The following ARHGAP44 variants were observed in gnomAD, a reference collection of about 807,000 sequenced individuals.
ARHGAP44 encodes Rho GTPase activating protein 44, also known as rho GTPase-activating protein 44.
A neutral mutation model predicts 106.8 loss-of-function variants in ARHGAP44; 43 were observed. That is an observed-to-expected ratio of 0.40 (90% CI 0.32 to 0.52). The LOEUF is 0.52. Among genes scored for constraint, ARHGAP44 ranks in the 20% least tolerant of loss-of-function variants. ARHGAP44 has a pLI of 0.48. For synonymous variants in ARHGAP44, 439 were observed against 410.3 expected (o/e 1.07, Z -0.85); for missense variants, 866 against 1,050.5 (o/e 0.82, Z 2.43).
At chr17:12,792,429 A>G (rs1378535236) in intron 1 of ARHGAP44, among the ~76,000 whole-genome samples, 1 of 152,112 alleles carries the variant, frequency 6.6e-6, no homozygotes, top group Non-Finnish European at 1.5e-5. Context: ...CTGACTCTCA[A>G]TCGGTGTTGA....
rs1179558974 is a variant in ARHGAP44 at position 12,943,686 on chromosome 17, C to A, written c.733+17C>A. The A allele has an allele frequency of 6.2e-7, 1 of 1,612,542 alleles. No homozygotes were observed. Among genetic ancestry groups the A allele is most frequent in the South Asian group, 1.1e-5 (1 of 90,956 alleles). On this transcript the variant is annotated intron_variant, in intron 9 of 20. Transcript: ENST00000379672. ...CACAACAGGGTAAGTGCAGGCCTTC[C>A]CTGGAGAAGGGAGGGCCGGGGTGCC...
At chr17:12,893,205 G>A (rs964009777) in intron 1 of ARHGAP44, among the ~76,000 whole-genome samples, 3 of 152,094 alleles carry the variant, frequency 2.0e-5, no homozygotes, top group Non-Finnish European at 2.9e-5. Context: ...CGAAGATGGA[G>A]GTTCTTCTTG....
intron 3 of ARHGAP44, among the ~76,000 whole-genome samples, chr17:12,900,132 A>G (rs1248534088): frequency 6.6e-6 from 1 of 151,696 alleles, no homozygotes; most frequent in Non-Finnish European, 1.5e-5. Flanking sequence ...TTTTATTTTT[A>G]TTTTTATTTT....
chr17:12,803,033 C>T (rs1341995741), intron 1 of ARHGAP44, among the ~76,000 whole-genome samples: 8 of 135,428 alleles, frequency 5.9e-5, no homozygotes, highest in Non-Finnish European at 3.1e-5. Context: ...AGTACAGTGG[C>T]GCGATCTTGG....
intron 1 of ARHGAP44, among the ~76,000 whole-genome samples, chr17:12,841,620 AC>A (rs2035401317): frequency 1.2e-4 from 17 of 145,772 alleles, no homozygotes; most frequent in Admixed American, 9.5e-4. Flanking sequence ...ACACACACAC[AC>A]ACACACACAC....
chr17:12,953,597 G>A (rs1420233335), intron 13 of ARHGAP44, among the ~76,000 whole-genome samples: 2 of 152,204 alleles, frequency 1.3e-5, no homozygotes, highest in East Asian at 3.8e-4. Flanking sequence ...AGTGTTCATG[G>A]TAGGTAAAAG....
intron 1 of ARHGAP44, among the ~76,000 whole-genome samples, chr17:12,872,701 C>G (rs1437276822): frequency 1.3e-5 from 2 of 152,130 alleles, no homozygotes; most frequent in South Asian, 2.1e-4. Flanking sequence ...CCTCACAGTT[C>G]AGGACCTTTC....
intron 13 of ARHGAP44, 177 bp from the exon 14 acceptor site, chr17:12,955,690 G>T: frequency 1.9e-6 from 1 of 534,700 alleles, no homozygotes; most frequent in Non-Finnish European, 3.4e-6. Context: ...GCCTGTTTTT[G>T]GAAAGAGGAT....
chr17:12,924,977 C>T (rs1422608321), intron 6 of ARHGAP44, among the ~76,000 whole-genome samples: 2 of 152,000 alleles, frequency 1.3e-5, no homozygotes, highest in Non-Finnish European at 2.9e-5. Context: ...ACTGTGCAGG[C>T]TATGGAGTTA....
At chr17:12,815,501 A>T (rs2034573134) in intron 1 of ARHGAP44, among the ~76,000 whole-genome samples, 1 of 152,204 alleles carries the variant, frequency 6.6e-6, no homozygotes. Flanking sequence ...GAGTGGGAGA[A>T]TGTTATGATC....
intron 6 of ARHGAP44, among the ~76,000 whole-genome samples, chr17:12,928,427 G>A (rs2038307235): frequency 6.6e-6 from 1 of 152,094 alleles, no homozygotes; most frequent in South Asian, 2.1e-4. Flanking sequence ...TAATCACCCT[G>A]ATTAAACTTC....
At chr17:12,954,019 C>A (rs1163032907) in intron 13 of ARHGAP44, among the ~76,000 whole-genome samples, 1 of 151,662 alleles carries the variant, frequency 6.6e-6, no homozygotes, top group Non-Finnish European at 1.5e-5. Context: ...TCCTGAGTAG[C>A]TGGGACTATG....
At chr17:12,951,845 T>G (rs2038998605) in intron 12 of ARHGAP44, among the ~76,000 whole-genome samples, 1 of 152,184 alleles carries the variant, frequency 6.6e-6, no homozygotes, top group African/African-American at 2.4e-5. Context: ...TTTCAGAGAC[T>G]TCGATTGAAT....
chr17:12,842,897 C>T (rs940382936), intron 1 of ARHGAP44, among the ~76,000 whole-genome samples: 1 of 152,172 alleles, frequency 6.6e-6, no homozygotes, highest in East Asian at 1.9e-4. Flanking sequence ...CATCATCCCT[C>T]AAGCCACGCA....
intron 1 of ARHGAP44, among the ~76,000 whole-genome samples, chr17:12,835,488 T>C (rs1170967794): frequency 2.0e-5 from 3 of 152,212 alleles, no homozygotes; most frequent in Admixed American, 6.5e-5. Context: ...CTGTTTGTCT[T>C]CTGAGAACAG....
chr17:12,990,349 G>T lies in ARHGAP44; in HGVS notation c.*178G>T. 1.3e-6 allele frequency: 1 copy of T among 796,006 alleles called. No individual in the cohort carries two copies. Among genetic ancestry groups the T allele is most frequent in the Non-Finnish European group, 1.9e-6 (1 of 524,146 alleles). 49.3% of individuals were successfully genotyped at this position (796,006 alleles called of 1,614,324 possible). On this transcript the variant is annotated 3_prime_UTR_variant, in exon 21 of 21. Coordinates refer to ENST00000379672, the MANE Select transcript of ARHGAP44 (RefSeq NM_014859.6). ...TCCAGTCCGTGTGGTGATGCTGGTG[G>T]TGCAGGTTTTGTTTGTTCCTTTCGG...
intron 6 of ARHGAP44, among the ~76,000 whole-genome samples, chr17:12,926,756 A>T (rs1421311776): frequency 6.6e-6 from 1 of 151,872 alleles, no homozygotes; most frequent in Non-Finnish European, 1.5e-5. Context: ...ATCCTGAGTT[A>T]CAAAGCCATA....
chr17:12,841,474 A>G (rs1326748783), intron 1 of ARHGAP44, among the ~76,000 whole-genome samples: 1 of 151,894 alleles, frequency 6.6e-6, no homozygotes, highest in Non-Finnish European at 1.5e-5. Flanking sequence ...AGACTCAGTT[A>G]CTTGGGAGGC....
chr17:12,790,738 C>T (rs921018436), intron 1 of ARHGAP44: 3 of 152,314 alleles, frequency 2.0e-5, no homozygotes, highest in African/African-American at 7.2e-5. Flanking sequence ...GTGCCAACAT[C>T]TATTAAGGTT....
Sources: allele counts gnomAD v4.1 joint callset (sites outside exome capture counted in the v4.1 genomes callset), GRCh38; gene constraint gnomAD v4.1.1; transcripts MANE v1.5; gene names NCBI Gene and HGNC (gene_info 2026-07-23, HGNC 2026-07-21).